LNPK: variants seen among roughly 807,000 people sequenced by gnomAD.
LNPK encodes lunapark, ER junction formation factor.
Under a neutral mutation model 55.2 loss-of-function variants are expected in LNPK, and 29 were observed. The ratio of observed to expected loss-of-function variants is 0.53; its 90% CI spans 0.39 to 0.72. The LOEUF (loss-of-function observed/expected upper bound fraction) is 0.72, where lower values mean the gene tolerates loss of function less well. Among genes scored for constraint, LNPK ranks in the 30% least tolerant of loss-of-function variants. LNPK has a pLI of 0.00. For missense variants in LNPK, 467 were observed against 494.8 expected (o/e 0.94, Z 0.53); for synonymous variants, 162 against 168.2 (o/e 0.96, Z 0.29).
chr2:175,998,444 C>CAA lies in LNPK; in HGVS notation c.-62-2800_-62-2799dup, dbSNP rs761894057. Reference sequence around the variant, plus strand: ...GGTCACAGAGCGAGACTCCGTCTCACAAAAAAAAAAAAAAAAGAAGAAAAG... The same window carrying CAA: ...GGTCACAGAGCGAGACTCCGTCTCACAAAAAAAAAAAAAAAAAAGAAGAAAAG... On this transcript the variant is annotated intron_variant, in intron 1 of 12. Coordinates refer to ENST00000272748, the MANE Select transcript of LNPK (RefSeq NM_030650.3). 6.6e-3 allele frequency among the ~76,000 whole-genome samples: 545 copies of CAA among 82,808 alleles called. 16 individuals are homozygous for CAA. In the South Asian group the frequency reaches 0.12, roughly 18 times the overall value. 54.3% of individuals were successfully genotyped at this position (82,808 alleles called of 152,430 possible). A position where few individuals can be genotyped will look rare whatever the true frequency, so the allele number is the denominator to read the frequency against.
At position 175,927,725 on chromosome 2, in the gene LNPK, T is replaced by A. The variant is rs1167826329; in HGVS notation, c.*2242A>T. 4 of 150,674 alleles carry A rather than the reference T, an allele frequency of 2.7e-5. No homozygotes were observed. In the East Asian group the frequency reaches 7.8e-4, roughly 29 times the overall value. 9.3% of individuals were successfully genotyped at this position (150,674 alleles called of 1,614,324 possible). On this transcript the variant is annotated 3_prime_UTR_variant, in exon 13 of 13. Coordinates refer to ENST00000272748, the MANE Select transcript of LNPK (RefSeq NM_030650.3). The stretch of plus-strand genomic sequence containing the variant: ...ATAGCTTGGATTTTCTCATTTATAC[T>A]AGTCTTAATAATCAGAAATAGGACA...
At chr2:175,989,092 T>C (rs1687572685) in intron 4 of LNPK, among the ~76,000 whole-genome samples, 1 of 152,212 alleles carries the variant, frequency 6.6e-6, no homozygotes, top group Non-Finnish European at 1.5e-5. Flanking sequence ...ACTTGTATTC[T>C]TACTAGTGTA....
In LNPK at chr2:175,925,498, CA is replaced by C. The variant is rs1479419719; in HGVS notation, c.*4468del. The C allele has an allele frequency of 6.6e-6, 1 of 152,106 alleles. No homozygotes were observed. Among genetic ancestry groups the C allele is most frequent in the Non-Finnish European group, 1.5e-5 (1 of 68,076 alleles). The allele number at this position is 152,106 out of a possible 1,614,324, so 9.4% of individuals were successfully genotyped here. Reference sequence around the variant, plus strand: ...TGTTACTTTTAAAATGTGTGTGTGGCAGGGGGAGGTGGCAGTGGCTGTAGTT... The same window carrying C: ...TGTTACTTTTAAAATGTGTGTGTGGCGGGGGAGGTGGCAGTGGCTGTAGTT... On this transcript the variant is annotated 3_prime_UTR_variant, in exon 13 of 13. Transcript: ENST00000272748.
Position 176,002,172 on chromosome 2 carries a change from G to T in LNPK, c.-75C>A. 2.2e-6 allele frequency: 1 copy of T among 445,716 alleles called. No homozygotes were observed. The highest frequency in any genetic ancestry group is 4.5e-6 in the Non-Finnish European group (1 of 222,992). 27.6% of individuals were successfully genotyped at this position (445,716 alleles called of 1,614,324 possible). A position where few individuals can be genotyped will look rare whatever the true frequency, so the allele number is the denominator to read the frequency against. ...TTGAGCGTTCTACCTGCAAGAAGCG[G>T]GCGCAGCCCGGCCCGGGCGTCCACC... On this transcript the variant is annotated 5_prime_UTR_variant, in exon 1 of 13. Transcript: ENST00000272748.
intron 6 of LNPK, among the ~76,000 whole-genome samples, chr2:175,969,821 C>T (rs1216269656): frequency 6.6e-6 from 1 of 152,164 alleles, no homozygotes; most frequent in African/African-American, 2.4e-5. Context: ...TCACAGGACA[C>T]CCAATAAGGA....
At chr2:175,981,608 A>C (rs1687176466) in intron 4 of LNPK, among the ~76,000 whole-genome samples, 1 of 152,246 alleles carries the variant, frequency 6.6e-6, no homozygotes, top group Non-Finnish European at 1.5e-5. Context: ...AAAGACCTCA[A>C]GAAAAAAGCA....
intron 12 of LNPK, among the ~76,000 whole-genome samples, 175 bp downstream of exon 12, chr2:175,937,169 A>C (rs1240550273): frequency 6.6e-6 from 1 of 152,164 alleles, no homozygotes; most frequent in Non-Finnish European, 1.5e-5. Flanking sequence ...CTGCATGTTA[A>C]AAGTGAAACA....
intron 4 of LNPK, among the ~76,000 whole-genome samples, chr2:175,990,489 A>G (rs1026252573): frequency 2.6e-5 from 4 of 152,164 alleles, no homozygotes; most frequent in Non-Finnish European, 5.9e-5. Flanking sequence ...TTCTTTATAA[A>G]CTACCCAGCC....
chr2:175,933,209 G>A (rs1574801056), intron 12 of LNPK, among the ~76,000 whole-genome samples: 2 of 151,814 alleles, frequency 1.3e-5, no homozygotes, highest in East Asian at 3.9e-4. Context: ...CAGTTGTTTG[G>A]GCAAAGTCTC....
intron 4 of LNPK, among the ~76,000 whole-genome samples, chr2:175,985,327 T>C (rs1390052383): frequency 6.6e-6 from 1 of 152,184 alleles, no homozygotes; most frequent in Admixed American, 6.5e-5. Flanking sequence ...CACAGAAATA[T>C]AAAACCCACT....
intron 8 of LNPK, among the ~76,000 whole-genome samples, chr2:175,956,130 A>G (rs561280265): frequency 1.0e-3 from 158 of 152,160 alleles, no homozygotes; most frequent in African/African-American, 3.7e-3. Flanking sequence ...AAGTTAAAAA[A>G]TTAGCTGGGC....
intron 6 of LNPK, 99 bp downstream of exon 6, chr2:175,970,664 AT>A (rs1686616277): frequency 3.3e-6 from 2 of 611,006 alleles, no homozygotes; most frequent in Non-Finnish European, 4.7e-6. Flanking sequence ...CTAAAAGCAT[AT>A]TTCTTCCTTG....
chr2:175,978,117 C>T (rs942635367), intron 5 of LNPK, among the ~76,000 whole-genome samples: 8 of 151,796 alleles, frequency 5.3e-5, no homozygotes, highest in Admixed American at 3.3e-4. Context: ...TAGTTCAGCA[C>T]TCATGGAATT....
intron 1 of LNPK, among the ~76,000 whole-genome samples, chr2:175,998,202 G>T (rs964906038): frequency 2.0e-5 from 3 of 152,088 alleles, no homozygotes; most frequent in African/African-American, 7.2e-5. Context: ...CCAACACTTT[G>T]GGAGGCCGAG....
intron 4 of LNPK, among the ~76,000 whole-genome samples, chr2:175,981,622 G>A (rs930365905): frequency 4.6e-5 from 7 of 152,248 alleles, no homozygotes; most frequent in Non-Finnish European, 8.8e-5. Flanking sequence ...AAAAGCAAAA[G>A]GAACACAAGA....
At chr2:175,964,638 C>T (rs769636662) in intron 6 of LNPK, 49 bp from the exon 7 acceptor site, 4 of 980,806 alleles carry the variant, frequency 4.1e-6, no homozygotes, top group Middle Eastern at 3.1e-4. Flanking sequence ...ACACACACTA[C>T]TTATTTGTAT....
At position 175,947,696 on chromosome 2, in the gene LNPK, A is replaced by G. The variant is rs1214245826; in HGVS notation, c.494-4T>C. Reference sequence around the variant, plus strand: ...GCTGCAGTTCGCTGACGAATCTCTGAGAAGAGTAAGTACATACTAGACTTA... The same window carrying G: ...GCTGCAGTTCGCTGACGAATCTCTGGGAAGAGTAAGTACATACTAGACTTA... On this transcript the variant is annotated splice_region_variant and splice_polypyrimidine_tract_variant and intron_variant, in intron 8 of 12. Coordinates refer to ENST00000272748, the MANE Select transcript of LNPK (RefSeq NM_030650.3). 6.2e-7 allele frequency: 1 copy of G among 1,605,616 alleles called. No individual in the cohort carries two copies.
intron 8 of LNPK, 145 bp from the exon 9 acceptor site, chr2:175,947,837 G>T: frequency 1.9e-6 from 1 of 517,622 alleles, no homozygotes. Flanking sequence ...TATAATATGT[G>T]ACATTGAAAA....
chr2:175,979,902 A>G, intron 4 of LNPK, 34 bp from the exon 5 acceptor site: 1 of 1,533,798 alleles, frequency 6.5e-7, no homozygotes, highest in Non-Finnish European at 8.8e-7. Flanking sequence ...AACAAAAAAC[A>G]TCATTAGAAA....
Sources: gnomAD v4.1 joint callset for allele counts (sites outside exome capture counted in the v4.1 genomes callset) on GRCh38, gnomAD v4.1.1 for gene constraint, MANE v1.5 for transcripts, NCBI Gene and HGNC (gene_info 2026-07-23, HGNC 2026-07-21) for gene names.